The following GNA12 variants were observed in gnomAD, a reference collection of about 807,000 sequenced individuals.
The protein encoded by GNA12 is guanine nucleotide-binding protein subunit alpha-12.
In GNA12, 9 loss-of-function variants were observed where a neutral mutation model predicts 26.0. That is an observed-to-expected ratio of 0.35 (90% CI 0.21 to 0.60). GNA12 has a LOEUF of 0.60. Ranked by LOEUF, GNA12 falls within the 20% of genes least tolerant of loss-of-function variation. GNA12 has a pLI of 0.78. For synonymous variants in GNA12, 264 were observed against 219.6 expected, an observed-to-expected ratio of 1.20 and a Z score of -1.79; for missense variants, 405 against 525.8, an observed-to-expected ratio of 0.77 and a Z score of 2.25.
At position 2,731,365 on chromosome 7, in the gene GNA12, G is replaced by A; in HGVS notation, c.962C>T (p.Pro321Leu). The change falls in exon 4 of 4, where the codon CCG (proline) becomes CTG (leucine). Residue 321 changes from proline to leucine, a missense_variant. By Grantham distance (98) the Pro-to-Leu change is moderately conservative. Coordinates refer to ENST00000275364, the MANE Select transcript of GNA12 (RefSeq NM_007353.3). This position sits in a 1 kb window ranked among gnomAD's most constrained non-coding sequence, Gnocchi z 6.0. ...KKHFPDFRGD[P>L]HRLEDVQRYL... ...GCGCTGGACGTCCTCCAGCCTGTGC[G>A]GGTCGCCCCTGAAGTCCGGGAAGTG... 6.2e-7 allele frequency: 1 copy of A among 1,613,882 alleles called. No individual in the cohort carries two copies. The highest frequency in any genetic ancestry group is 8.5e-7 in the Non-Finnish European group (1 of 1,179,908).
At chr7:2,739,188 T>C (rs546781167) in intron 2 of GNA12, among the ~76,000 whole-genome samples, 25 of 152,356 alleles carry the variant, frequency 1.6e-4, no homozygotes, top group African/African-American at 6.0e-4. Flanking sequence ...ATCTACATAA[T>C]AGAAAATTCA....
At chr7:2,761,323 C>T (rs922489704) in intron 2 of GNA12, among the ~76,000 whole-genome samples, 3 of 152,256 alleles carry the variant, frequency 2.0e-5, no homozygotes, top group Non-Finnish European at 4.4e-5. Flanking sequence ...GAGCCGTCTG[C>T]TGGCTATGCC....
chr7:2,832,006 T>C (rs1360193755), intron 1 of GNA12, among the ~76,000 whole-genome samples: 1 of 152,198 alleles, frequency 6.6e-6, no homozygotes, highest in African/African-American at 2.4e-5. Context: ...GAATGTAATT[T>C]GCATCCCGTG....
rs56701500 is a variant in GNA12, at chr7:2,759,284, A to G, written c.526-25783T>C. On this transcript the variant is annotated intron_variant, in intron 2 of 3. Transcript: ENST00000275364. ...TACTGTCCTTATTTACATGAAGTTA[A>G]AACACAGGCAAAAGGAAACAAAGCG... Among the ~76,000 whole-genome samples, 1,035 of 152,346 alleles carry G rather than the reference A, an allele frequency of 6.8e-3. 14 individuals are homozygous for G. Among genetic ancestry groups the G allele is most frequent in the African/African-American group, 0.023 (972 of 41,580 alleles).
chr7:2,813,870 C>T (rs1186839102), intron 1 of GNA12, among the ~76,000 whole-genome samples: 3 of 152,046 alleles, frequency 2.0e-5, no homozygotes, highest in African/African-American at 7.2e-5. Flanking sequence ...TGAGGGTGCT[C>T]GAGATGACAT....
At chr7:2,739,946 T>G (rs1790415095) in intron 2 of GNA12, among the ~76,000 whole-genome samples, 1 of 152,216 alleles carries the variant, frequency 6.6e-6, no homozygotes, top group Admixed American at 6.5e-5. Flanking sequence ...GTGCTGGGAT[T>G]ACAGGTGTGA....
intron 1 of GNA12, among the ~76,000 whole-genome samples, chr7:2,800,087 G>A (rs79388937): frequency 0.013 from 2,044 of 152,292 alleles, 19 homozygotes; most frequent in Non-Finnish European, 0.021. Flanking sequence ...CAGCAGCTCT[G>A]TTCATCATAG....
At chr7:2,829,948 C>T (rs1793565037) in intron 1 of GNA12, among the ~76,000 whole-genome samples, 1 of 152,184 alleles carries the variant, frequency 6.6e-6, no homozygotes, top group South Asian at 2.1e-4. Context: ...TTGTCTGGGG[C>T]TAGTGGATTT....
intron 2 of GNA12, among the ~76,000 whole-genome samples, chr7:2,760,933 C>G (rs1583252510): frequency 6.6e-6 from 1 of 152,292 alleles, no homozygotes; most frequent in East Asian, 1.9e-4. Context: ...TGGCACCTTC[C>G]CCACTCCAGC....
intron 1 of GNA12, among the ~76,000 whole-genome samples, chr7:2,811,326 G>A (rs1214220621): frequency 6.6e-6 from 1 of 152,174 alleles, no homozygotes; most frequent in African/African-American, 2.4e-5. Flanking sequence ...GCTGCAAGCG[G>A]GGTGACCTGG....
chr7:2,822,320 G>C (rs1353279950), intron 1 of GNA12, among the ~76,000 whole-genome samples: 2 of 152,172 alleles, frequency 1.3e-5, no homozygotes, highest in East Asian at 3.8e-4. Context: ...CTACCTACTG[G>C]AACTAGCATC....
intron 1 of GNA12, among the ~76,000 whole-genome samples, chr7:2,801,184 G>A (rs1222131968): frequency 2.0e-5 from 3 of 152,236 alleles, no homozygotes; most frequent in East Asian, 3.9e-4. Context: ...CCCGCTATCC[G>A]GGAAGGCCCT....
rs1789776470 is a variant in GNA12 at position 2,729,494 on chromosome 7, T to C, written c.*1687A>G. 6.6e-6 allele frequency: 1 copy of C among 152,382 alleles called. No homozygotes were observed. Among genetic ancestry groups the C allele is most frequent in the Non-Finnish European group, 1.5e-5 (1 of 68,044 alleles). The allele number at this position is 152,382 out of a possible 1,614,324, so 9.4% of individuals were successfully genotyped here. A position where few individuals can be genotyped will look rare whatever the true frequency, so the allele number is the denominator to read the frequency against. ...AACACTGACACACAGCCTCGAGCAC[T>C]GCGAGAGAGAGTTCCATGCTGTCTC... On this transcript the variant is annotated 3_prime_UTR_variant, in exon 4 of 4. Coordinates refer to ENST00000275364, the MANE Select transcript of GNA12 (RefSeq NM_007353.3).
At chr7:2,757,972 A>G (rs940385809) in intron 2 of GNA12, among the ~76,000 whole-genome samples, 1 of 152,146 alleles carries the variant, frequency 6.6e-6, no homozygotes. Context: ...TCCCCCTGCA[A>G]ATGTAGCTGC....
chr7:2,760,640 G>C (rs991508534), intron 2 of GNA12, among the ~76,000 whole-genome samples: 4 of 152,190 alleles, frequency 2.6e-5, no homozygotes, highest in African/African-American at 9.6e-5. Flanking sequence ...AAGCAGGACA[G>C]ACCTGTCACT....
At chr7:2,749,606 A>G (rs1471760841) in intron 2 of GNA12, among the ~76,000 whole-genome samples, 2 of 152,210 alleles carry the variant, frequency 1.3e-5, no homozygotes, top group Non-Finnish European at 2.9e-5. Context: ...GCACATGTAT[A>G]CATATGTAAC....
intron 2 of GNA12, among the ~76,000 whole-genome samples, chr7:2,742,025 T>C (rs1210923025): frequency 6.6e-6 from 1 of 151,828 alleles, no homozygotes; most frequent in Non-Finnish European, 1.5e-5. Flanking sequence ...AATTTTTTTA[T>C]TTTTTTATTT....
rs142512193 is a variant in GNA12 at position 2,822,614 on chromosome 7, T to C, written c.309+21239A>G. On this transcript the variant is annotated intron_variant, in intron 1 of 3. Transcript: ENST00000275364. ...CAGGAGGACTGCTTGAGCCCAGGAG[T>C]TTGAGACCAGGCTGGGCAACATAGT... is the stretch of plus-strand genomic sequence containing the variant. Among the ~76,000 whole-genome samples, 1,054 of 152,036 alleles carry C rather than the reference T, an allele frequency of 6.9e-3. 6 individuals carry two copies. Among genetic ancestry groups the C allele is most frequent in the Non-Finnish European group, 0.012 (802 of 67,966 alleles).
chr7:2,841,943 G>A (rs1051799316), intron 1 of GNA12, among the ~76,000 whole-genome samples: 5 of 150,132 alleles, frequency 3.3e-5, no homozygotes, highest in South Asian at 2.1e-4. Context: ...CTCTAACTTG[G>A]TTTCCCCAAA....
Sources: allele counts gnomAD v4.1 joint callset (sites outside exome capture counted in the v4.1 genomes callset), GRCh38; gene constraint gnomAD v4.1.1; non-coding constraint Gnocchi (gnomAD v3.1); transcripts MANE v1.5; gene names NCBI Gene and HGNC (gene_info 2026-07-23, HGNC 2026-07-21).